The following SCO1 variants were observed in gnomAD, a reference collection of about 807,000 sequenced individuals.
The protein encoded by SCO1 is synthesis of cytochrome C oxidase 1.
In SCO1, 23 loss-of-function variants were observed where a neutral mutation model predicts 34.0. The observed-to-expected ratio is 0.68, with a 90% confidence interval of 0.49 to 0.96. The LOEUF (loss-of-function observed/expected upper bound fraction) is 0.96. Among genes scored for constraint, SCO1 ranks in the 40% least tolerant of loss-of-function variants. The pLI is 0.00. For synonymous variants in SCO1, 161 were observed against 145.5 expected (o/e 1.11, Z -0.77); for missense variants, 404 against 381.6 (o/e 1.06, Z -0.49).
intron 2 of SCO1, among the ~76,000 whole-genome samples, chr17:10,695,322 G>A (rs2074714614): frequency 6.6e-6 from 1 of 152,090 alleles, no homozygotes; most frequent in Non-Finnish European, 1.5e-5. Flanking sequence ...TCCCTTCCGT[G>A]TGCACCTCAA....
intron 4 of SCO1, among the ~76,000 whole-genome samples, chr17:10,687,915 T>C (rs2074666777): frequency 6.6e-6 from 1 of 152,224 alleles, no homozygotes; most frequent in African/African-American, 2.4e-5. Flanking sequence ...CATGTTTAAA[T>C]TGAAGACTGT....
chr17:10,682,974 A>C (rs557681349), intron 5 of SCO1, among the ~76,000 whole-genome samples: 1 of 152,232 alleles, frequency 6.6e-6, no homozygotes, highest in African/African-American at 2.4e-5. Flanking sequence ...TCTAGCTCCA[A>C]TTCTAATGGA....
chr17:10,690,128 A>C (rs1042067445), intron 4 of SCO1, among the ~76,000 whole-genome samples: 21 of 152,226 alleles, frequency 1.4e-4, no homozygotes, highest in African/African-American at 5.1e-4. Context: ...TCAGGACATT[A>C]GTCTGGGAAA....
rs886052595 is a variant in SCO1, at chr17:10,686,825, C to A, written c.673G>T (p.Val225Phe). The change falls in exon 5 of 6, where the codon GTT becomes TTT. Residue 225 changes from valine (V) to phenylalanine (F), a missense_variant. Coordinates refer to ENST00000255390, the MANE Select transcript of SCO1 (RefSeq NM_004589.4). ...TCTTCTCTCGTGCCAGTCAAGCCAACCAGTTTGGGAGAAAATTCTAAATAA... is the reference window on the plus strand; with the variant it reads ...TCTTCTCTCGTGCCAGTCAAGCCAAACAGTTTGGGAGAAAATTCTAAATAA... ...NYVKEFSPKL[V>F]GLTGTREEVD... 6.2e-7 allele frequency: 1 copy of A among 1,613,074 alleles called. No homozygotes were observed. The highest frequency in any genetic ancestry group is 1.1e-5 in the South Asian group (1 of 91,050).
chr17:10,691,926 T>C lies in SCO1; in HGVS notation c.601A>G (p.Ile201Val). 6.2e-7 allele frequency: 1 copy of C among 1,613,812 alleles called. No individual in the cohort carries two copies. The highest frequency in any genetic ancestry group is 8.5e-7 in the Non-Finnish European group (1 of 1,179,686). The change falls in exon 4 of 6, where the codon ATC becomes GTC. Residue 201 changes from isoleucine (I) to valine (V), a missense_variant. Coordinates refer to ENST00000255390, the MANE Select transcript of SCO1 (RefSeq NM_004589.4). ...GTGTCCCTCTCTGGGTCAATGCTGA[T>C]GAAAAGTGGAGTTAGATCTGGCAGA... ...TTLPDLTPLF[I>V]SIDPERDTKE...
chr17:10,695,247 A>G (rs2074714227), intron 2 of SCO1, among the ~76,000 whole-genome samples: 1 of 152,110 alleles, frequency 6.6e-6, no homozygotes, highest in African/African-American at 2.4e-5. Flanking sequence ...CTCTCACAAC[A>G]TGGTAAGCTT....
At chr17:10,693,038 C>A (rs1189599163) in intron 2 of SCO1, 77 bp from the exon 3 acceptor site, 1 of 1,228,298 alleles carries the variant, frequency 8.1e-7, no homozygotes, top group Non-Finnish European at 1.2e-6. Flanking sequence ...TGACATATGG[C>A]CCGTACTATG....
chr17:10,687,607 G>A (rs2074664687), intron 4 of SCO1, among the ~76,000 whole-genome samples: 1 of 152,142 alleles, frequency 6.6e-6, no homozygotes, highest in Admixed American at 6.5e-5. Flanking sequence ...TGAAAAGACA[G>A]GCTTTCTTTT....
At position 10,680,949 on chromosome 17, in the gene SCO1, T is replaced by C. The variant is rs1358911820; in HGVS notation, c.*170A>G. 11 of 766,674 alleles carry C rather than the reference T, an allele frequency of 1.4e-5. No homozygotes were observed. The highest frequency in any genetic ancestry group is 2.4e-5 in the Non-Finnish European group (11 of 454,854). The allele number at this position is 766,674 out of a possible 1,614,324, so 47.5% of individuals were successfully genotyped here. ...TAATCTTTACAGTTCCAAGAATCAA[T>C]TTTGGTTGAACGCAAGGGTAACATC... On this transcript the variant is annotated 3_prime_UTR_variant, in exon 6 of 6. Transcript: ENST00000255390.
rs1252057601 is a variant in SCO1, at chr17:10,680,742, T to C, written c.*377A>G. ...TTTCTGTGAAATTCAGTCCCACAGC[T>C]ATTTGAGCAAGGGCCCAAGACGATG... is the stretch of plus-strand genomic sequence containing the variant. On this transcript the variant is annotated 3_prime_UTR_variant, in exon 6 of 6. Coordinates refer to ENST00000255390, the MANE Select transcript of SCO1 (RefSeq NM_004589.4). The C allele has an allele frequency of 6.7e-6, 2 of 300,152 alleles. No individual in the cohort carries two copies. The highest frequency in any genetic ancestry group is 9.3e-5 in the Admixed American group (2 of 21,602). 18.6% of individuals were successfully genotyped at this position (300,152 alleles called of 1,614,324 possible). A position where few individuals can be genotyped will look rare whatever the true frequency, so the allele number is the denominator to read the frequency against.
At chr17:10,694,523 T>A (rs1053301732) in intron 2 of SCO1, among the ~76,000 whole-genome samples, 4 of 152,208 alleles carry the variant, frequency 2.6e-5, no homozygotes, top group African/African-American at 9.6e-5. Context: ...CTAATTTTGA[T>A]GGTTGTATTG....
intron 4 of SCO1, among the ~76,000 whole-genome samples, chr17:10,690,619 G>A (rs1597508881): frequency 6.6e-6 from 1 of 152,210 alleles, no homozygotes; most frequent in East Asian, 1.9e-4. Context: ...ATTGTGGATA[G>A]CAGTATGGAG....
chr17:10,688,034 T>C (rs1017574180), intron 4 of SCO1, among the ~76,000 whole-genome samples: 2 of 152,240 alleles, frequency 1.3e-5, no homozygotes, highest in African/African-American at 4.8e-5. Flanking sequence ...AAATTATGCT[T>C]AAGTATACGT....
rs2074582738 is a variant in SCO1, at chr17:10,676,621, C to G, written c.*4498G>C. 6.6e-6 allele frequency: 1 copy of G among 152,014 alleles called. No homozygotes were observed. The allele number at this position is 152,014 out of a possible 1,614,324, so 9.4% of individuals were successfully genotyped here. A position where few individuals can be genotyped will look rare whatever the true frequency, so the allele number is the denominator to read the frequency against. ...CTCAAGTTTTCTTTCGGTTAAATAC[C>G]CACATCAATGTTCTCATGAAATAGT... On this transcript the variant is annotated 3_prime_UTR_variant, in exon 6 of 6. Transcript: ENST00000255390.
At chr17:10,686,702 G>T in intron 5 of SCO1, 25 bp downstream of exon 5, 1 of 1,415,440 alleles carries the variant, frequency 7.1e-7, no homozygotes, top group Non-Finnish European at 1.0e-6. Flanking sequence ...CTGGTCCATG[G>T]GTTAAAACTG....
At chr17:10,684,623 T>C (rs988636726) in intron 5 of SCO1, among the ~76,000 whole-genome samples, 1 of 152,254 alleles carries the variant, frequency 6.6e-6, no homozygotes, top group Non-Finnish European at 1.5e-5. Context: ...CTCTGAGTTA[T>C]GAGTTCTAAG....
chr17:10,686,223 C>T (rs1055652459), intron 5 of SCO1, among the ~76,000 whole-genome samples: 10 of 151,770 alleles, frequency 6.6e-5, no homozygotes, highest in African/African-American at 9.7e-5. Context: ...GCCTGGCTGA[C>T]GGAGTGAGAC....
intron 4 of SCO1, among the ~76,000 whole-genome samples, chr17:10,688,596 G>A (rs1488472610): frequency 6.6e-6 from 1 of 152,130 alleles, no homozygotes; most frequent in Non-Finnish European, 1.5e-5. Flanking sequence ...GTCTTAGAAA[G>A]TTAAAATACA....
At position 10,674,467 on chromosome 17, in the gene SCO1, G is replaced by C. The variant is rs1487332218; in HGVS notation, c.*6652C>G. On this transcript the variant is annotated 3_prime_UTR_variant, in exon 6 of 6. Transcript: ENST00000255390. ...ACAAACAAAAAAACAGACTGTGATT[G>C]AGGAGAGCTGGAGTGGAGCCTGAGA... 1 of 275,400 alleles carries C rather than the reference G, an allele frequency of 3.6e-6. No individual in the cohort carries two copies. The highest frequency in any genetic ancestry group is 1.4e-4 in the East Asian group (1 of 7,294). 17.1% of individuals were successfully genotyped at this position (275,400 alleles called of 1,614,324 possible).
Sources: gnomAD v4.1 joint callset for allele counts (sites outside exome capture counted in the v4.1 genomes callset) on GRCh38, gnomAD v4.1.1 for gene constraint, MANE v1.5 for transcripts, NCBI Gene and HGNC (gene_info 2026-07-23, HGNC 2026-07-21) for gene names.